PITPNM3: variants seen among roughly 807,000 people sequenced by gnomAD.
PITPNM3 encodes membrane-associated phosphatidylinositol transfer protein 3.
In PITPNM3, 26 loss-of-function variants were observed where a neutral mutation model predicts 102.0. That is an observed-to-expected ratio of 0.25 (90% CI 0.19 to 0.35). PITPNM3 has a LOEUF of 0.35. Among genes scored for constraint, PITPNM3 ranks in the 10% least tolerant of loss-of-function variants. PITPNM3 has a pLI of 1.00. For missense variants in PITPNM3, 1,083 were observed against 1,346.1 expected (o/e 0.80, Z 3.06); for synonymous variants, 578 against 558.6 (o/e 1.03, Z -0.49).
Position 6,471,225 on chromosome 17 carries a change from C to T in PITPNM3, c.1560G>A (p.Glu520=), listed in dbSNP as rs747999176. The T allele has an allele frequency of 1.9e-6, 3 of 1,613,172 alleles. No individual in the cohort carries two copies. In the Admixed American group the frequency reaches 5.0e-5, roughly 27 times the overall value. ...RFQRPGRRMS[E]GSSHSESSES... ...CCGAGCTCTCGCTGTGGGAGCTCCCCTCGCTCATCCTCCGTCCTGGGCGCT... is the reference window on the plus strand; with the variant it reads ...CCGAGCTCTCGCTGTGGGAGCTCCCTTCGCTCATCCTCCGTCCTGGGCGCT... Residue 520 remains glutamate (E), a synonymous_variant, in exon 12 of 20, where the codon GAG becomes GAA. Coordinates refer to ENST00000262483, the MANE Select transcript of PITPNM3 (RefSeq NM_031220.4).
intron 4 of PITPNM3, among the ~76,000 whole-genome samples, chr17:6,495,542 C>T (rs1906753711): frequency 6.6e-6 from 1 of 152,194 alleles, no homozygotes; most frequent in Non-Finnish European, 1.5e-5. Flanking sequence ...CCATCCCATG[C>T]TCCAGAGAGC....
intron 4 of PITPNM3, among the ~76,000 whole-genome samples, chr17:6,486,807 T>C (rs1906121630): frequency 6.6e-6 from 1 of 152,244 alleles, no homozygotes; most frequent in African/African-American, 2.4e-5. Context: ...TAAGCACTTA[T>C]TATGTCCTGG....
At position 6,475,032 on chromosome 17, in the gene PITPNM3, T is replaced by C. The variant is rs1905240798; in HGVS notation, c.1086-428A>G. On this transcript the variant is annotated intron_variant, in intron 9 of 19. Coordinates refer to ENST00000262483, the MANE Select transcript of PITPNM3 (RefSeq NM_031220.4). ...ACACACTGGCAGGCCTGCCTCGTCA[T>C]GCTGGCTTTGTGTTGGCCACACTGA... Among the ~76,000 whole-genome samples the C allele has an allele frequency of 2.0e-5, 3 of 152,350 alleles. No homozygotes were observed. The South Asian group carries it at 6.2e-4, about 32-fold the overall frequency.
rs1199712312 is a variant in PITPNM3 at position 6,506,660 on chromosome 17, G to A, written c.227-3086C>T. Among the ~76,000 whole-genome samples the A allele has an allele frequency of 3.9e-5, 6 of 152,228 alleles. No homozygotes were observed. In the South Asian group the frequency reaches 8.3e-4, roughly 21 times the overall value. Reference sequence around the variant, plus strand: ...GCTGGGATTACAGGCGTGAGCCACCGCGCCCGGCCAGTGTTTTCTATTTGC... The same window carrying A: ...GCTGGGATTACAGGCGTGAGCCACCACGCCCGGCCAGTGTTTTCTATTTGC... On this transcript the variant is annotated intron_variant, in intron 3 of 19. Coordinates refer to ENST00000262483, the MANE Select transcript of PITPNM3 (RefSeq NM_031220.4).
chr17:6,455,552 C>G lies in PITPNM3; in HGVS notation c.2711G>C (p.Arg904Pro). ...PKKNNSRMIL[R>P]KGSFGLHAQP... ...CGCGTGCAGCCCGAAGCTGCCCTTGCGCAGGATCATGCGCGAGTTGTTCTT... is the reference window on the plus strand; with the variant it reads ...CGCGTGCAGCCCGAAGCTGCCCTTGGGCAGGATCATGCGCGAGTTGTTCTT... Residue 904 changes from arginine (R) to proline (P), a missense_variant, in exon 20 of 20, where the codon CGC (arginine) becomes CCC (proline). By Grantham distance (103) the Arg-to-Pro change is moderately radical. Around this residue, in one of 5 missense-constraint regions of PITPNM3, gnomAD observed 208 missense variants for 178.2 expected, o/e 1.17. Coordinates refer to ENST00000262483, the MANE Select transcript of PITPNM3 (RefSeq NM_031220.4). 6.2e-6 allele frequency: 10 copies of G among 1,603,368 alleles called. No individual in the cohort carries two copies. Among genetic ancestry groups the G allele is most frequent in the South Asian group, 4.4e-5 (4 of 90,988 alleles).
rs1330101623 is a variant in PITPNM3 at position 6,470,687 on chromosome 17, G to A, written c.1625-279C>T. On this transcript the variant is annotated intron_variant, in intron 12 of 19. Transcript: ENST00000262483. The surrounding 1 kb of genome is among the most constrained non-coding windows in gnomAD (Gnocchi z 4.8). ...GTCCACAGTCTCACCCAGGGCCGCC[G>A]CTCAGTGGCAGTTCCCAGTGGGCTC... is the stretch of plus-strand genomic sequence containing the variant. Among the ~76,000 whole-genome samples, 2 of 152,140 alleles carry A rather than the reference G, an allele frequency of 1.3e-5. No homozygotes were observed. The highest frequency in any genetic ancestry group is 1.5e-5 in the Non-Finnish European group (1 of 68,026).
rs757575795 is a variant in PITPNM3, at chr17:6,538,040, T to C, written c.65A>G (p.Asn22Ser). 1 of 1,613,954 alleles carries C rather than the reference T, an allele frequency of 6.2e-7. No individual in the cohort carries two copies. Among genetic ancestry groups the C allele is most frequent in the South Asian group, 1.1e-5 (1 of 91,060 alleles). ...GCTCTCCACAGAGTCACTGAGGACATTTCGAAGGTGCCAGGGGGCACCGCC... is the reference window on the plus strand; with the variant it reads ...GCTCTCCACAGAGTCACTGAGGACACTTCGAAGGTGCCAGGGGGCACCGCC... Reference protein sequence around the residue: ...PGGGAPWHLRNVLSDSVESSD... With the variant: ...PGGGAPWHLRSVLSDSVESSD... Residue 22 changes from asparagine to serine, a missense_variant, in exon 2 of 20, where the codon AAT becomes AGT. Around this residue, in one of 5 missense-constraint regions of PITPNM3, gnomAD observed 290 missense variants for 337.8 expected, o/e 0.86. Transcript: ENST00000262483.
intron 1 of PITPNM3, among the ~76,000 whole-genome samples, chr17:6,538,318 A>G (rs964080378): frequency 3.3e-5 from 5 of 152,166 alleles, no homozygotes; most frequent in African/African-American, 1.2e-4. Flanking sequence ...TCCATGTCCT[A>G]ACACTGAGGC....
At chr17:6,460,026 T>A (rs1904368758) in intron 18 of PITPNM3, among the ~76,000 whole-genome samples, 1 of 152,082 alleles carries the variant, frequency 6.6e-6, no homozygotes. Context: ...TAAGCCAAAT[T>A]AGACACTGCC....
chr17:6,553,308 C>G (rs968611105), intron 1 of PITPNM3, among the ~76,000 whole-genome samples: 6 of 152,288 alleles, frequency 3.9e-5, no homozygotes, highest in Middle Eastern at 6.8e-3. Flanking sequence ...ACTGAAATCT[C>G]CCCTAGAGAT....
At position 6,468,838 on chromosome 17, in the gene PITPNM3, C is replaced by G. The variant is rs1047552518; in HGVS notation, c.1774-497G>C. 1.3e-5 allele frequency among the ~76,000 whole-genome samples: 2 copies of G among 152,164 alleles called. No individual in the cohort carries two copies. The highest frequency in any genetic ancestry group is 4.8e-5 in the African/African-American group (2 of 41,442). On this transcript the variant is annotated intron_variant, in intron 13 of 19. Transcript: ENST00000262483. This position sits in a 1 kb window ranked among gnomAD's most constrained non-coding sequence, Gnocchi z 5.2. ...ACTCTCTCAGATTCCTCATGCCTCT[C>G]CAGTGACCGCCACATCCCTGCTGTC...
chr17:6,501,995 G>A (rs552101571), intron 4 of PITPNM3, among the ~76,000 whole-genome samples: 25 of 152,110 alleles, frequency 1.6e-4, no homozygotes, highest in East Asian at 1.2e-3. Flanking sequence ...ACACCCCTAC[G>A]AGTGCTCAGG....
chr17:6,538,162 CTAA>C, intron 1 of PITPNM3, 80 bp from the exon 2 acceptor site: 1 of 1,032,444 alleles, frequency 9.7e-7, no homozygotes, highest in African/African-American at 1.6e-5. Context: ...CCCCCCTGGA[CTAA>C]AGGCCAGTTA....
At chr17:6,543,798 G>A (rs919571153) in intron 1 of PITPNM3, among the ~76,000 whole-genome samples, 4 of 152,190 alleles carry the variant, frequency 2.6e-5, no homozygotes, top group Admixed American at 1.3e-4. Flanking sequence ...AGCAGGGACT[G>A]GCTAGGGTAC....
rs1474614665 is a variant in PITPNM3, at chr17:6,452,420, A to G, written c.*2918T>C. 1 of 152,242 alleles carries G rather than the reference A, an allele frequency of 6.6e-6. No individual in the cohort carries two copies. The highest frequency in any genetic ancestry group is 1.5e-5 in the Non-Finnish European group (1 of 68,054). 9.4% of individuals were successfully genotyped at this position (152,242 alleles called of 1,614,324 possible). ...AAGAAACAAGGAGCTTTGGTCAGGC[A>G]GGAAGATCTGTTTCCAGCTGCTGGA... is the stretch of plus-strand genomic sequence containing the variant. On this transcript the variant is annotated 3_prime_UTR_variant, in exon 20 of 20. Coordinates refer to ENST00000262483, the MANE Select transcript of PITPNM3 (RefSeq NM_031220.4).
chr17:6,531,376 T>C (rs1025487545), intron 2 of PITPNM3, among the ~76,000 whole-genome samples: 13 of 152,220 alleles, frequency 8.5e-5, no homozygotes, highest in African/African-American at 3.1e-4. Context: ...CATTTTTCTC[T>C]CTAGAACTTA....
chr17:6,539,589 G>A (rs1301902434), intron 1 of PITPNM3, among the ~76,000 whole-genome samples: 2 of 151,854 alleles, frequency 1.3e-5, no homozygotes, highest in East Asian at 1.9e-4. Flanking sequence ...AAATGATAAC[G>A]CCCTTTAAAA....
At chr17:6,552,702 T>C (rs374674199) in intron 1 of PITPNM3, among the ~76,000 whole-genome samples, 4 of 151,596 alleles carry the variant, frequency 2.6e-5, no homozygotes, top group South Asian at 4.2e-4. Flanking sequence ...TCCATCCTCC[T>C]AGCCTTTGTT....
chr17:6,498,842 C>A (rs760325407), intron 4 of PITPNM3, among the ~76,000 whole-genome samples: 5 of 152,042 alleles, frequency 3.3e-5, no homozygotes, highest in Non-Finnish European at 7.4e-5. Context: ...TCCCTGAGTC[C>A]CTACAGCCAG....
Sources: allele counts gnomAD v4.1 joint callset (sites outside exome capture counted in the v4.1 genomes callset), GRCh38; gene constraint gnomAD v4.1.1; regional missense constraint gnomAD v4.1.1; non-coding constraint Gnocchi (gnomAD v3.1); transcripts MANE v1.5; gene names NCBI Gene and HGNC (gene_info 2026-07-23, HGNC 2026-07-21).